Variants in SLC35D1 observed in about 807,000 individuals in gnomAD.
SLC35D1 encodes solute carrier family 35 member D1, also known as nucleotide sugar transporter SLC35D1.
In SLC35D1, 31 loss-of-function variants were observed where a neutral mutation model predicts 46.7. That is an observed-to-expected ratio of 0.66 (90% confidence interval 0.50 to 0.90). SLC35D1 has a LOEUF of 0.90. Among genes scored for constraint, SLC35D1 ranks in the 40% least tolerant of loss-of-function variants. SLC35D1 has a pLI of 0.00. For synonymous variants in SLC35D1, 195 were observed against 164.6 expected (o/e 1.18, Z -1.41); for missense variants, 397 against 426.2 (o/e 0.93, Z 0.60).
At chr1:67,030,986 T>C (rs1028159603) in intron 8 of SLC35D1, among the ~76,000 whole-genome samples, 1 of 152,210 alleles carries the variant, frequency 6.6e-6, no homozygotes, top group Non-Finnish European at 1.5e-5. Flanking sequence ...ACACAGGTTA[T>C]ATACGGTAAA....
chr1:67,005,457 G>A (rs999066257), intron 11 of SLC35D1, among the ~76,000 whole-genome samples: 77 of 152,118 alleles, frequency 5.1e-4, no homozygotes, highest in Admixed American at 3.7e-3. Context: ...TACTGCACAC[G>A]CTCGCATAAT....
chr1:67,047,170 C>T (rs1645260316), intron 7 of SLC35D1, 95 bp downstream of exon 7: 2 of 918,738 alleles, frequency 2.2e-6, no homozygotes, highest in South Asian at 2.8e-5. Flanking sequence ...CTTTCTCATC[C>T]CCAGTAAGAA....
At chr1:66,979,282 G>T in the SLC35D1 span, among the ~76,000 whole-genome samples, 1 of 152,150 alleles carries the variant, frequency 6.6e-6, no homozygotes, top group South Asian at 2.1e-4. Flanking sequence ...CACTTTAAGT[G>T]ACTTCATAAA....
chr1:67,008,047 T>C (rs1667486089), intron 11 of SLC35D1, among the ~76,000 whole-genome samples: 1 of 152,202 alleles, frequency 6.6e-6, no homozygotes, highest in Admixed American at 6.5e-5. Context: ...ATATTGAAAA[T>C]AAGGTACAGT....
At chr1:67,020,333 G>T in intron 10 of SLC35D1, 36 bp downstream of exon 10, 1 of 1,323,124 alleles carries the variant, frequency 7.6e-7, no homozygotes, top group Non-Finnish European at 1.1e-6. Flanking sequence ...TTCAAATAAT[G>T]CAGGTACCAA....
At chr1:67,023,236 G>A (rs1031677128) in intron 8 of SLC35D1, among the ~76,000 whole-genome samples, 6 of 151,996 alleles carry the variant, frequency 3.9e-5, no homozygotes, top group African/African-American at 9.7e-5. Context: ...CTTTAACTTC[G>A]TAAGAAACTG....
chr1:67,034,534 T>C (rs966284542), intron 8 of SLC35D1, among the ~76,000 whole-genome samples: 3 of 152,218 alleles, frequency 2.0e-5, no homozygotes, highest in Non-Finnish European at 4.4e-5. Flanking sequence ...TTTTTGTATG[T>C]TGATTTTGTA....
At position 67,052,078 on chromosome 1, in the gene SLC35D1, G is replaced by A. The variant is rs1645315002; in HGVS notation, c.326C>T (p.Thr109Met). The change falls in exon 4 of 12, where the codon ACG (threonine) becomes ATG (methionine). Residue 109 changes from threonine (T) to methionine (M), a missense_variant and splice_region_variant. Coordinates refer to ENST00000235345, the MANE Select transcript of SLC35D1 (RefSeq NM_015139.3). Reference protein sequence around the residue: ...PDLDRNVPRKTFPLPLLYFGN... With the variant: ...PDLDRNVPRKMFPLPLLYFGN... ...AAAATATAGTAGAGGTAGTGGAAACGTCTAGAAAATTTAAAAAGGGATAAC... is the reference window on the plus strand; with the variant it reads ...AAAATATAGTAGAGGTAGTGGAAACATCTAGAAAATTTAAAAAGGGATAAC... 16 of 1,601,576 alleles carry A rather than the reference G, an allele frequency of 1.0e-5. No homozygotes were observed. Among genetic ancestry groups the A allele is most frequent in the Non-Finnish European group, 1.3e-5 (15 of 1,168,756 alleles).
chr1:67,022,378 CT>C (rs1667825008), intron 8 of SLC35D1, among the ~76,000 whole-genome samples: 1 of 152,202 alleles, frequency 6.6e-6, no homozygotes, highest in African/African-American at 2.4e-5. Flanking sequence ...CAATACCAGG[CT>C]CCCTGTGGCT....
chr1:66,975,260 C>G, the SLC35D1 span, among the ~76,000 whole-genome samples: 1 of 152,172 alleles, frequency 6.6e-6, no homozygotes, highest in Admixed American at 6.5e-5. Context: ...GGTGCAGTGG[C>G]TCATGCCTGT....
At chr1:67,049,439 T>C (rs1338372816) in intron 6 of SLC35D1, among the ~76,000 whole-genome samples, 1 of 152,190 alleles carries the variant, frequency 6.6e-6, no homozygotes, top group Non-Finnish European at 1.5e-5. Context: ...AACTATAAAA[T>C]AGGAAAATTA....
At chr1:66,990,301 G>A in the SLC35D1 span, among the ~76,000 whole-genome samples, 11,158 of 152,174 alleles carry the variant, frequency 0.073, 504 homozygotes, top group African/African-American at 0.12. Flanking sequence ...CGGAGACAAC[G>A]TCTTGCTCTG....
chr1:66,984,761 A>G, the SLC35D1 span: 8 of 1,614,066 alleles, frequency 5.0e-6, no homozygotes, highest in Middle Eastern at 1.7e-4. Flanking sequence ...AATGAAAATG[A>G]TTTTGATGAA....
At chr1:67,027,613 T>C (rs1266708028) in intron 8 of SLC35D1, among the ~76,000 whole-genome samples, 8 of 152,162 alleles carry the variant, frequency 5.3e-5, no homozygotes, top group African/African-American at 1.9e-4. Flanking sequence ...TCATTTTAGA[T>C]CTTTCTTCTT....
At chr1:67,052,745 A>AT (rs746817272) in intron 3 of SLC35D1, 26 bp downstream of exon 3, 15 of 1,611,770 alleles carry the variant, frequency 9.3e-6, no homozygotes, top group Non-Finnish European at 1.3e-5. Flanking sequence ...ATTTCACAAA[A>AT]TAAAGTATCG....
chr1:67,019,791 A>G (rs943256895), intron 10 of SLC35D1, among the ~76,000 whole-genome samples: 4 of 152,236 alleles, frequency 2.6e-5, no homozygotes. Context: ...AAGAGGCCTC[A>G]GGCTTCAAGC....
At chr1:66,989,282 A>G in the SLC35D1 span, among the ~76,000 whole-genome samples, 1 of 152,186 alleles carries the variant, frequency 6.6e-6, no homozygotes, top group Non-Finnish European at 1.5e-5. Flanking sequence ...GTTATAGAAC[A>G]TTCACTTTTT....
At chr1:67,015,471 C>T (rs1032855309) in intron 10 of SLC35D1, among the ~76,000 whole-genome samples, 12 of 150,906 alleles carry the variant, frequency 8.0e-5, no homozygotes. Context: ...CTCACTGCAA[C>T]CTCTCCCTCC....
intron 8 of SLC35D1, among the ~76,000 whole-genome samples, chr1:67,022,331 C>T (rs1236400733): frequency 6.6e-6 from 1 of 152,182 alleles, no homozygotes; most frequent in African/African-American, 2.4e-5. Flanking sequence ...TCAACTTTTG[C>T]TACTTCCGCA....
Sources: allele counts gnomAD v4.1 joint callset (sites outside exome capture counted in the v4.1 genomes callset), GRCh38; gene constraint gnomAD v4.1.1; transcripts MANE v1.5; gene names NCBI Gene and HGNC (gene_info 2026-07-23, HGNC 2026-07-21).